The following ZNF382 variants were observed in gnomAD, a reference collection of about 807,000 sequenced individuals.
ZNF382 encodes the protein zinc finger protein 382, also known as KRAB/zinc finger suppressor protein 1.
A neutral mutation model predicts 38.8 loss-of-function variants in ZNF382; 20 were observed. The ratio of observed to expected loss-of-function variants is 0.51; its 90% CI spans 0.36 to 0.75. The LOEUF is 0.75. ZNF382 is among the 30% of genes least tolerant of loss of function. ZNF382 has a pLI of 0.00. For synonymous variants in ZNF382, 202 were observed against 223.1 expected (o/e 0.91, Z 0.84); for missense variants, 546 against 654.1 (o/e 0.83, Z 1.80).
intron 4 of ZNF382, among the ~76,000 whole-genome samples, chr19:36,620,707 G>A (rs1047442364): frequency 2.0e-5 from 3 of 151,934 alleles, no homozygotes; most frequent in Non-Finnish European, 4.4e-5. Flanking sequence ...CAATATATCA[G>A]AAATAATAAT....
In ZNF382 at chr19:36,627,087, A is replaced by T. The variant is rs1003622333; in HGVS notation, c.1190A>T (p.Asp397Val). The change falls in exon 5 of 5, where the codon GAT (aspartate) becomes GTT (valine). Residue 397 changes from aspartate to valine, a missense_variant. By Grantham distance (152) the Asp-to-Val change is radical. Transcript: ENST00000292928. ...TTTAGGAAGAAGTCATACCTCATTG[A>T]TCACCAGAGAACTCACACAGGAGAG... ...SAFRKKSYLI[D>V]HQRTHTGEKP... 6.2e-7 allele frequency: 1 copy of T among 1,613,972 alleles called. No homozygotes were observed. Among genetic ancestry groups the T allele is most frequent in the Non-Finnish European group, 8.5e-7 (1 of 1,179,978 alleles).
chr19:36,633,002 C>G lies in ZNF382; in HGVS notation c.*5452C>G, dbSNP rs1415034441. ...GGCTCCAACACTAGTCTACAACATGCACCTGGGATGTTCTAGATATTTATC... is the reference window on the plus strand; with the variant it reads ...GGCTCCAACACTAGTCTACAACATGGACCTGGGATGTTCTAGATATTTATC... On this transcript the variant is annotated 3_prime_UTR_variant, in exon 5 of 5. Transcript: ENST00000292928. 2.0e-5 allele frequency: 3 copies of G among 151,928 alleles called. No homozygotes were observed. The highest frequency in any genetic ancestry group is 7.3e-5 in the African/African-American group (3 of 41,352). 9.4% of individuals were successfully genotyped at this position (151,928 alleles called of 1,614,324 possible).
intron 4 of ZNF382, among the ~76,000 whole-genome samples, chr19:36,625,193 AT>A (rs1376760663): frequency 2.2e-5 from 3 of 135,736 alleles, no homozygotes; most frequent in African/African-American, 8.2e-5. Flanking sequence ...GTATTTTATA[AT>A]TCCTCATGGG....
At chr19:36,607,889 C>T (rs902286492) in intron 2 of ZNF382, 10 of 405,042 alleles carry the variant, frequency 2.5e-5, no homozygotes, top group Non-Finnish European at 4.4e-5. Context: ...TTCTCCATTC[C>T]AACCAAATCA....
At position 36,626,277 on chromosome 19, in the gene ZNF382, G is replaced by A. The variant is rs142570474; in HGVS notation, c.380G>A (p.Arg127His). 5.9e-5 allele frequency: 95 copies of A among 1,602,106 alleles called. No homozygotes were observed. Among genetic ancestry groups the A allele is most frequent in the Middle Eastern group, 3.3e-4 (2 of 6,002 alleles). The change falls in exon 5 of 5, where the codon CGT (arginine) becomes CAT (histidine). Residue 127 changes from arginine (R) to histidine (H), a missense_variant. Arg to His is a conservative substitution (Grantham distance 29). Transcript: ENST00000292928. ...YGKTFTLGKN[R>H]ISKTILCEYK... ...AAAACATTTACTCTAGGCAAGAACC[G>A]TATTTCAAAAACAATACTATGTGAA...
chr19:36,627,487 T>G lies in ZNF382; in HGVS notation c.1590T>G (p.Ser530Arg). The G allele has an allele frequency of 6.2e-7, 1 of 1,614,062 alleles. No homozygotes were observed. Among genetic ancestry groups the G allele is most frequent in the Admixed American group, 1.7e-5 (1 of 60,018 alleles). Residue 530 changes from serine (S) to arginine (R), a missense_variant, in exon 5 of 5, where the codon AGT (serine) becomes AGG (arginine). By Grantham distance (110) the Ser-to-Arg change is moderately radical. Transcript: ENST00000292928. ...YECKQCGKFF[S>R]CKSNLIVHQK... ...GTAAACAGTGTGGGAAGTTCTTCAG[T>G]TGTAAGTCAAACCTCATTGTCCATC...
intron 4 of ZNF382, among the ~76,000 whole-genome samples, chr19:36,620,563 A>G (rs768488728): frequency 1.3e-5 from 2 of 152,072 alleles, no homozygotes; most frequent in Non-Finnish European, 2.9e-5. Context: ...TGAATTCTCA[A>G]ATTGATTTCC....
intron 4 of ZNF382, among the ~76,000 whole-genome samples, chr19:36,624,617 A>C (rs1161741788): frequency 6.6e-6 from 1 of 152,206 alleles, no homozygotes; most frequent in African/African-American, 2.4e-5. Flanking sequence ...AGCAGAGTTA[A>C]GGTAGGTGAT....
At chr19:36,623,806 A>AG (rs566028500) in intron 4 of ZNF382, among the ~76,000 whole-genome samples, 2,284 of 145,934 alleles carry the variant, frequency 0.016, 28 homozygotes, top group Non-Finnish European at 0.025. Context: ...AAAAAAAAAA[A>AG]GGGGCCGGGC....
Position 36,628,598 on chromosome 19 carries a change from C to T in ZNF382, c.*1048C>T, listed in dbSNP as rs1328383853. ...ATAAACGTGACATTGCCGTTAGCCA[C>T]AGTAAATGCCTTATTTGAACTCAAA... On this transcript the variant is annotated 3_prime_UTR_variant, in exon 5 of 5. Coordinates refer to ENST00000292928, the MANE Select transcript of ZNF382 (RefSeq NM_032825.5). 1 of 152,646 alleles carries T rather than the reference C, an allele frequency of 6.6e-6. No homozygotes were observed. Among genetic ancestry groups the T allele is most frequent in the Admixed American group, 6.5e-5 (1 of 15,280 alleles). The allele number at this position is 152,646 out of a possible 1,614,324, so 9.5% of individuals were successfully genotyped here.
At position 36,626,696 on chromosome 19, in the gene ZNF382, C is replaced by T; in HGVS notation, c.799C>T (p.Pro267Ser). 8.1e-6 allele frequency: 13 copies of T among 1,613,842 alleles called. No individual in the cohort carries two copies. Among genetic ancestry groups the T allele is most frequent in the Non-Finnish European group, 1.1e-5 (13 of 1,180,012 alleles). The change falls in exon 5 of 5, where the codon CCC (proline) becomes TCC (serine). Residue 267 changes from proline to serine, a missense_variant. Transcript: ENST00000292928. The stretch of plus-strand genomic sequence containing the variant: ...TCCAAGTAATCTTATGGAAAAGAAG[C>T]CCTCTGCCTACAACAAATATGGGAA... ...VHPSNLMEKK[P>S]SAYNKYGKFL...
At chr19:36,613,813 A>G (rs778225980) in intron 4 of ZNF382, among the ~76,000 whole-genome samples, 2 of 151,966 alleles carry the variant, frequency 1.3e-5, no homozygotes, top group African/African-American at 4.8e-5. Flanking sequence ...AGGGTTCGAG[A>G]GTCTATTCTT....
intron 4 of ZNF382, among the ~76,000 whole-genome samples, chr19:36,615,231 G>A (rs957681994): frequency 1.3e-5 from 2 of 151,762 alleles, no homozygotes; most frequent in African/African-American, 2.4e-5. Flanking sequence ...CAGGTGATCC[G>A]CCACAGCCTC....
At chr19:36,606,812 T>C (rs904917474) in intron 1 of ZNF382, among the ~76,000 whole-genome samples, 4 of 152,136 alleles carry the variant, frequency 2.6e-5, no homozygotes, top group African/African-American at 9.7e-5. Context: ...GTGCAGTGAC[T>C]GATGCCTGTA....
intron 2 of ZNF382, 177 bp downstream of exon 2, chr19:36,607,799 A>T (rs547829684): frequency 3.1e-6 from 2 of 652,796 alleles, no homozygotes; most frequent in East Asian, 2.9e-5. Flanking sequence ...TTTAAGGGGT[A>T]CCCTCAGGGC....
chr19:36,617,850 C>G (rs1008493912), intron 4 of ZNF382, among the ~76,000 whole-genome samples: 11 of 152,040 alleles, frequency 7.2e-5, no homozygotes, highest in African/African-American at 2.7e-4. Flanking sequence ...CCAGCTAAAC[C>G]GACTTGACAG....
chr19:36,610,434 T>G (rs1266722413), intron 3 of ZNF382: 2 of 397,840 alleles, frequency 5.0e-6, no homozygotes, highest in South Asian at 3.2e-5. Flanking sequence ...CCAGCCTGAG[T>G]GAAAGAGTGA....
intron 4 of ZNF382, among the ~76,000 whole-genome samples, chr19:36,611,516 A>G (rs914269206): frequency 2.0e-5 from 3 of 152,068 alleles, no homozygotes; most frequent in Admixed American, 6.6e-5. Flanking sequence ...TGTTGTATGT[A>G]TATACTATAT....
intron 4 of ZNF382, 114 bp downstream of exon 4, chr19:36,610,856 G>A: frequency 1.4e-6 from 1 of 738,890 alleles, no homozygotes; most frequent in Non-Finnish European, 2.2e-6. Flanking sequence ...CATTAAATAT[G>A]CTATCTTAAA....
Sources: allele counts gnomAD v4.1 joint callset (sites outside exome capture counted in the v4.1 genomes callset), GRCh38; gene constraint gnomAD v4.1.1; transcripts MANE v1.5; gene names NCBI Gene and HGNC (gene_info 2026-07-23, HGNC 2026-07-21).